Variants in BRD4 observed in about 807,000 individuals in gnomAD.
The protein encoded by BRD4 is bromodomain-containing protein 4.
In BRD4, 16 loss-of-function variants were observed where a neutral mutation model predicts 142.1. The observed-to-expected ratio is 0.11, with a 90% CI of 0.08 to 0.17. The LOEUF (loss-of-function observed/expected upper bound fraction) is 0.17, where lower values mean the gene tolerates loss of function less well. BRD4 is among the 10% of genes least tolerant of loss of function. The probability of loss-of-function intolerance (pLI) is 1.00; values close to 1 mark genes in which losing one functional copy is unlikely to be tolerated. For synonymous variants in BRD4, 833 were observed against 707.5 expected (o/e 1.18, Z -2.82); for missense variants, 1,424 against 1,810.9 (o/e 0.79, Z 3.88).
rs1356405062 is a variant in BRD4 at position 15,238,339 on chromosome 19, T to C, written c.*38A>G. On this transcript the variant is annotated 3_prime_UTR_variant, in exon 20 of 20. Transcript: ENST00000679869. The surrounding 1 kb of genome is among the most constrained non-coding windows in gnomAD (Gnocchi z 7.2). ...CCTAACACTATGGAAAGTCAATGTT[T>C]TGCCAGAAAATCAAAGTCAGAAGCC... is the stretch of plus-strand genomic sequence containing the variant. 3.1e-6 allele frequency: 5 copies of C among 1,613,162 alleles called. No homozygotes were observed. In the East Asian group the frequency reaches 6.7e-5, roughly 22 times the overall value.
chr19:15,255,180 T>C lies in BRD4; in HGVS notation c.2047+117A>G, dbSNP rs1050261307. The C allele has an allele frequency of 2.5e-5, 26 of 1,030,664 alleles. No individual in the cohort carries two copies. The African/African-American group carries it at 2.7e-4, about 11-fold the overall frequency. The allele number at this position is 1,030,664 out of a possible 1,614,324, so 63.8% of individuals were successfully genotyped here. A position where few individuals can be genotyped will look rare whatever the true frequency, so the allele number is the denominator to read the frequency against. ...GGTTTCTGTGTCAAGAACACAGATA[T>C]TATAATTGGAAAAAAAAAAGGGGGG... On this transcript the variant is annotated intron_variant, in intron 10 of 19. Coordinates refer to ENST00000679869, the MANE Select transcript of BRD4 (RefSeq NM_001379291.1).
Position 15,238,657 on chromosome 19 carries a change from TC to T in BRD4, c.4020+85del. 6.9e-7 allele frequency: 1 copy of T among 1,454,980 alleles called. No individual in the cohort carries two copies. The highest frequency in any genetic ancestry group is 9.1e-7 in the Non-Finnish European group (1 of 1,101,622). 90.1% of individuals were successfully genotyped at this position (1,454,980 alleles called of 1,614,324 possible). A position where few individuals can be genotyped will look rare whatever the true frequency, so the allele number is the denominator to read the frequency against. On this transcript the variant is annotated intron_variant, in intron 19 of 19. Coordinates refer to ENST00000679869, the MANE Select transcript of BRD4 (RefSeq NM_001379291.1). This position sits in a 1 kb window ranked among gnomAD's most constrained non-coding sequence, Gnocchi z 7.2. ...AGGGACGGGGCTCCCCCGCTGCCCC[TC>T]CCTGTCCAGGCTCCAGTCCCCCTTT...
chr19:15,305,217 A>C (rs2047903890), intron 1 of BRD4, among the ~76,000 whole-genome samples: 1 of 151,856 alleles, frequency 6.6e-6, no homozygotes. Context: ...CTAATTTTGT[A>C]TTTTTAGTAG....
chr19:15,280,992 G>C (rs568950940), intron 1 of BRD4, among the ~76,000 whole-genome samples: 66 of 152,236 alleles, frequency 4.3e-4, no homozygotes, highest in Non-Finnish European at 8.8e-4. Context: ...CTAGGTGCTA[G>C]AGTGGCATCT....
intron 1 of BRD4, among the ~76,000 whole-genome samples, chr19:15,308,115 CAAAAAAA>C (rs57642262): frequency 4.7e-5 from 1 of 21,180 alleles, no homozygotes; most frequent in Non-Finnish European, 7.0e-5. Flanking sequence ...GACTCCGTCT[CAAAAAAA>C]AAAAAAAAAA....
chr19:15,270,716 C>A (rs927940558), intron 2 of BRD4, among the ~76,000 whole-genome samples: 1 of 152,110 alleles, frequency 6.6e-6, no homozygotes, highest in Non-Finnish European at 1.5e-5. Flanking sequence ...AGAAAACAGA[C>A]AAGGAATACT....
chr19:15,290,738 G>A (rs1480800071), intron 1 of BRD4, among the ~76,000 whole-genome samples: 1 of 152,080 alleles, frequency 6.6e-6, no homozygotes, highest in African/African-American at 2.4e-5. Flanking sequence ...CAGTTTTCAT[G>A]TTTCCAGTGT....
chr19:15,323,912 T>TA (rs2048086142), intron 1 of BRD4, among the ~76,000 whole-genome samples: 1 of 152,172 alleles, frequency 6.6e-6, no homozygotes, highest in Non-Finnish European at 1.5e-5. Context: ...TTTATACAAT[T>TA]AGACATGAGG....
At chr19:15,249,407 G>C in intron 11 of BRD4, 1 of 1,567,508 alleles carries the variant, frequency 6.4e-7, no homozygotes, top group Non-Finnish European at 8.7e-7. Flanking sequence ...GTGGCTGATG[G>C]GCACAAGAAC....
At chr19:15,246,113 G>A (rs760024636) in intron 11 of BRD4, among the ~76,000 whole-genome samples, 24 of 152,194 alleles carry the variant, frequency 1.6e-4, no homozygotes, top group Non-Finnish European at 1.5e-4. Flanking sequence ...CTGGGGACAC[G>A]GGGGAACCTG....
In BRD4 at chr19:15,244,266, G is replaced by T; in HGVS notation, c.2546C>A (p.Pro849His). 1 of 1,584,794 alleles carries T rather than the reference G, an allele frequency of 6.3e-7. No individual in the cohort carries two copies. The change falls in exon 13 of 20, where the codon CCC (proline) becomes CAC (histidine). Residue 849 changes from proline to histidine, a missense_variant. Transcript: ENST00000679869. ...GACCACTGCGTGCTGGTTGAGATGG[G>T]GTGGAGTGCTGTGCTCAGGCGGCTG... ...LPQPPEHSTP[P>H]HLNQHAVVSP...
chr19:15,311,078 G>A (rs575432436), intron 1 of BRD4, among the ~76,000 whole-genome samples: 50 of 151,338 alleles, frequency 3.3e-4, no homozygotes, highest in Non-Finnish European at 5.5e-4. Context: ...ATCCCTTGAG[G>A]CCAGGAGTTT....
In BRD4 at chr19:15,239,489, G is replaced by A. The variant is rs1197372162; in HGVS notation, c.3479C>T (p.Pro1160Leu). ...PEMKPVDVGRPVIRPPEQNAP... is the reference protein window; with the variant it reads ...PEMKPVDVGRLVIRPPEQNAP... ...GTTCTGCTCTGGGGGCCGGATCACAGGCCTCCCGACATCCACAGGCTTCAT... is the reference window on the plus strand; with the variant it reads ...GTTCTGCTCTGGGGGCCGGATCACAAGCCTCCCGACATCCACAGGCTTCAT... Residue 1160 changes from proline to leucine, a missense_variant, in exon 17 of 20, where the codon CCT (proline) becomes CTT (leucine). Coordinates refer to ENST00000679869, the MANE Select transcript of BRD4 (RefSeq NM_001379291.1). The surrounding 1 kb of genome is among the most constrained non-coding windows in gnomAD (Gnocchi z 7.4). 1.2e-6 allele frequency: 2 copies of A among 1,613,958 alleles called. No individual in the cohort carries two copies. Among genetic ancestry groups the A allele is most frequent in the Non-Finnish European group, 1.7e-6 (2 of 1,179,976 alleles).
rs761012395 is a variant in BRD4, at chr19:15,238,761, C to T, written c.4002G>A (p.Glu1334=). ...QRELARKREQ[E]RRRREAMAAT... ...GACTCACGGCTTCCCGGCGTCTTCG[C>T]TCCTGCTCCCGCTTCCGGGCCAACT... The change falls in exon 19 of 20, where the codon GAG becomes GAA. Residue 1334 remains glutamate, a synonymous_variant. Coordinates refer to ENST00000679869, the MANE Select transcript of BRD4 (RefSeq NM_001379291.1). This position sits in a 1 kb window ranked among gnomAD's most constrained non-coding sequence, Gnocchi z 7.2. 32 of 1,561,912 alleles carry T rather than the reference C, an allele frequency of 2.0e-5. No individual in the cohort carries two copies. Among genetic ancestry groups the T allele is most frequent in the Non-Finnish European group, 3.5e-6 (4 of 1,151,208 alleles).
In BRD4 at chr19:15,261,488, A is replaced by AAAG. The variant is rs1555738789; in HGVS notation, c.1341+1931_1341+1932insCTT. On this transcript the variant is annotated intron_variant, in intron 7 of 19. Transcript: ENST00000679869. ...CAGAAAGAGACTCCATCTCAAAAAA[A>AAAG]AAAGAAAGAAAGAAAGAAAGAAATT... Among the ~76,000 whole-genome samples, 17 of 152,228 alleles carry AAAG rather than the reference A, an allele frequency of 1.1e-4. No individual in the cohort carries two copies. The East Asian group carries it at 3.3e-3, about 29-fold the overall frequency.
At chr19:15,311,454 G>A (rs2047969805) in intron 1 of BRD4, among the ~76,000 whole-genome samples, 1 of 152,096 alleles carries the variant, frequency 6.6e-6, no homozygotes, top group African/African-American at 2.4e-5. Context: ...TGGAGAACAG[G>A]TTATTATGCT....
At chr19:15,329,742 A>C (rs890718042) in intron 1 of BRD4, among the ~76,000 whole-genome samples, 1 of 152,172 alleles carries the variant, frequency 6.6e-6, no homozygotes, top group East Asian at 1.9e-4. Context: ...CTCTCAAAAA[A>C]ATAAAAAATA....
At chr19:15,300,313 G>C (rs1568403502) in intron 1 of BRD4, among the ~76,000 whole-genome samples, 1 of 151,974 alleles carries the variant, frequency 6.6e-6, no homozygotes, top group African/African-American at 2.4e-5. Flanking sequence ...TGTAATCCCA[G>C]CACTTTAGCA....
chr19:15,267,687 C>T (rs2047548887), intron 3 of BRD4, 136 bp from the exon 4 acceptor site: 1 of 987,516 alleles, frequency 1.0e-6, no homozygotes, highest in Non-Finnish European at 1.5e-6. Context: ...GATCTGCACC[C>T]AAAGGAGCCA....
Sources: gnomAD v4.1 joint callset for allele counts (sites outside exome capture counted in the v4.1 genomes callset) on GRCh38, gnomAD v4.1.1 for gene constraint, Gnocchi (gnomAD v3.1) non-coding constraint, MANE v1.5 for transcripts, NCBI Gene and HGNC (gene_info 2026-07-23, HGNC 2026-07-21) for gene names.